Variants in GPC6 observed in about 807,000 individuals in gnomAD.
GPC6 encodes glypican 6, also known as glypican-6.
A neutral mutation model predicts 55.2 loss-of-function variants in GPC6; 14 were observed. The ratio of observed to expected loss-of-function variants is 0.25; its 90% CI spans 0.17 to 0.40. GPC6 has a LOEUF of 0.40. Ranked by LOEUF, GPC6 falls within the 10% of genes least tolerant of loss-of-function variation. GPC6 has a pLI of 1.00. For synonymous variants in GPC6, 278 were observed against 259.6 expected, an observed-to-expected ratio of 1.07 and a Z score of -0.68; for missense variants, 641 against 708.5, an observed-to-expected ratio of 0.90 and a Z score of 1.08.
chr13:93,790,834 T>A (rs1248026264), intron 2 of GPC6, among the ~76,000 whole-genome samples: 1 of 152,184 alleles, frequency 6.6e-6, no homozygotes, highest in African/African-American at 2.4e-5. Flanking sequence ...AATGAGAATG[T>A]CTGCTTAGAG....
Position 93,448,317 on chromosome 13 carries a change from G to A in GPC6, c.161-96946G>A, listed in dbSNP as rs552514658. Among the ~76,000 whole-genome samples, 5 of 152,262 alleles carry A rather than the reference G, an allele frequency of 3.3e-5. No individual in the cohort carries two copies. In the South Asian group the frequency reaches 8.3e-4, roughly 25 times the overall value. On this transcript the variant is annotated intron_variant, in intron 1 of 8. Transcript: ENST00000377047. ...GAATAACATACTGCACAGGTTTGTA[G>A]CCTAAGAGCAAAAGACTATACCATA... is the stretch of plus-strand genomic sequence containing the variant.
At chr13:94,166,243 A>G (rs1156456188) in intron 4 of GPC6, among the ~76,000 whole-genome samples, 1 of 152,220 alleles carries the variant, frequency 6.6e-6, no homozygotes, top group African/African-American at 2.4e-5. Flanking sequence ...TTAAACTTCT[A>G]AAGATAGCAA....
At chr13:93,424,303 A>G (rs1032124964) in intron 1 of GPC6, among the ~76,000 whole-genome samples, 3 of 152,186 alleles carry the variant, frequency 2.0e-5, no homozygotes, top group Admixed American at 6.5e-5. Flanking sequence ...GTGCCCCAGC[A>G]TCGACCAAGT....
intron 1 of GPC6, among the ~76,000 whole-genome samples, chr13:93,306,292 A>G (rs909472747): frequency 6.6e-6 from 1 of 152,188 alleles, no homozygotes; most frequent in Non-Finnish European, 1.5e-5. Context: ...CACTGTATCC[A>G]AAGGTTTTGC....
intron 1 of GPC6, among the ~76,000 whole-genome samples, chr13:93,343,740 T>TGAC (rs1272519041): frequency 1.3e-5 from 2 of 152,224 alleles, no homozygotes; most frequent in Non-Finnish European, 2.9e-5. Flanking sequence ...TTAGACTACC[T>TGAC]GACGTTTCTT....
At chr13:94,058,751 G>A (rs1032110153) in intron 4 of GPC6, among the ~76,000 whole-genome samples, 2 of 152,122 alleles carry the variant, frequency 1.3e-5, no homozygotes, top group African/African-American at 4.8e-5. Flanking sequence ...TGAATGATGA[G>A]GTTCCTTCCC....
chr13:93,882,876 G>C (rs1478538874), intron 3 of GPC6, among the ~76,000 whole-genome samples: 1 of 152,098 alleles, frequency 6.6e-6, no homozygotes, highest in East Asian at 1.9e-4. Flanking sequence ...GACTCACTGA[G>C]AGTGGAACTT....
intron 2 of GPC6, among the ~76,000 whole-genome samples, chr13:93,686,758 G>T (rs1882064144): frequency 6.6e-6 from 1 of 152,076 alleles, no homozygotes; most frequent in Admixed American, 6.6e-5. Flanking sequence ...TTGAGGTGGT[G>T]AATATAGAGA....
Position 94,105,876 on chromosome 13 carries a change from G to A in GPC6, c.877+77982G>A, listed in dbSNP as rs1284083991. Among the ~76,000 whole-genome samples, 3 of 152,230 alleles carry A rather than the reference G, an allele frequency of 2.0e-5. No homozygotes were observed. In the East Asian group the frequency reaches 5.8e-4, roughly 30 times the overall value. On this transcript the variant is annotated intron_variant, in intron 4 of 8. Transcript: ENST00000377047. ...TGGGTGTTAATGCCCACTGTAGGTA[G>A]GGGCCAGGGATGCTGCTAAGCATCC...
intron 1 of GPC6, among the ~76,000 whole-genome samples, chr13:93,294,242 T>C (rs936714444): frequency 1.3e-5 from 2 of 152,206 alleles, no homozygotes; most frequent in Admixed American, 1.3e-4. Context: ...TGTCTACATT[T>C]CTATCCTTTA....
chr13:93,487,762 C>G (rs918896663), intron 1 of GPC6, among the ~76,000 whole-genome samples: 3 of 152,124 alleles, frequency 2.0e-5, no homozygotes, highest in African/African-American at 7.2e-5. Context: ...GTGAAATCCG[C>G]ATGTTCTAGG....
intron 4 of GPC6, among the ~76,000 whole-genome samples, chr13:94,156,052 T>G (rs138839578): frequency 2.1e-3 from 325 of 152,280 alleles, no homozygotes; most frequent in African/African-American, 7.6e-3. Context: ...GAATCGAGAC[T>G]AAAGCCAAGA....
chr13:93,365,815 C>T (rs1163584676), intron 1 of GPC6, among the ~76,000 whole-genome samples: 1 of 152,066 alleles, frequency 6.6e-6, no homozygotes, highest in Non-Finnish European at 1.5e-5. Context: ...TAAGCTGACA[C>T]TATCTCCTTG....
chr13:93,988,681 C>A (rs141126856), intron 3 of GPC6, among the ~76,000 whole-genome samples: 1 of 152,000 alleles, frequency 6.6e-6, no homozygotes, highest in African/African-American at 2.4e-5. Flanking sequence ...CTCATGAGAT[C>A]CCCACCCTCA....
chr13:93,744,528 C>CTTTTT (rs71736430), intron 2 of GPC6, among the ~76,000 whole-genome samples: 1,171 of 97,158 alleles, frequency 0.012, 220 homozygotes, highest in African/African-American at 0.038. Context: ...TTTCCCTAGT[C>CTTTTT]TTTTTTTTTT....
intron 3 of GPC6, among the ~76,000 whole-genome samples, chr13:94,002,016 T>C: frequency 6.6e-6 from 1 of 152,038 alleles, no homozygotes; most frequent in East Asian, 1.9e-4. Context: ...AAAGTTATGC[T>C]CCTACCCTCA....
intron 4 of GPC6, among the ~76,000 whole-genome samples, chr13:94,192,628 G>A (rs995114162): frequency 5.3e-5 from 8 of 152,162 alleles, no homozygotes; most frequent in Non-Finnish European, 2.9e-5. Flanking sequence ...CATATGTTGG[G>A]GTGTTGTGAT....
intron 3 of GPC6, among the ~76,000 whole-genome samples, chr13:93,882,640 A>C (rs1466818148): frequency 6.6e-6 from 1 of 152,126 alleles, no homozygotes; most frequent in Non-Finnish European, 1.5e-5. Context: ...ACAAATGCTT[A>C]GAGTTATGTA....
At chr13:93,845,862 T>A (rs1039634059) in intron 3 of GPC6, among the ~76,000 whole-genome samples, 2 of 142,612 alleles carry the variant, frequency 1.4e-5, no homozygotes, top group Non-Finnish European at 3.1e-5. Context: ...AGGGATAGCA[T>A]TGGGAGATAT....
Sources: allele counts gnomAD v4.1 joint callset (sites outside exome capture counted in the v4.1 genomes callset), GRCh38; gene constraint gnomAD v4.1.1; transcripts MANE v1.5; gene names NCBI Gene and HGNC (gene_info 2026-07-23, HGNC 2026-07-21).